Variants in TLX1 observed in about 807,000 individuals in gnomAD.
The protein encoded by TLX1 is T-cell leukemia homeobox protein 1.
TLX1 carries 6 observed loss-of-function variants against 26.5 expected under a neutral mutation model. The observed-to-expected ratio is 0.23, with a 90% CI of 0.12 to 0.45. The LOEUF is 0.45. Ranked by LOEUF, TLX1 falls within the 20% of genes least tolerant of loss-of-function variation. The pLI is 0.99. For missense variants in TLX1, 418 were observed against 482.6 expected, an observed-to-expected ratio of 0.87 and a Z score of 1.25; for synonymous variants, 217 against 219.7, an observed-to-expected ratio of 0.99 and a Z score of 0.11.
In TLX1 at chr10:101,132,170, C is replaced by T; in HGVS notation, c.568+61C>T. Reference sequence around the variant, plus strand: ...GCCCGGGCTCCGTGCTACCCCTGCCCCGCCGGGTGGCTCCCCAAAGCCGGT... The same window carrying T: ...GCCCGGGCTCCGTGCTACCCCTGCCTCGCCGGGTGGCTCCCCAAAGCCGGT... On this transcript the variant is annotated intron_variant, in intron 1 of 2. Transcript: ENST00000370196. The surrounding 1 kb of genome is among the most constrained non-coding windows in gnomAD (Gnocchi z 4.1). 7.8e-7 allele frequency: 1 copy of T among 1,276,946 alleles called. No individual in the cohort carries two copies. The highest frequency in any genetic ancestry group is 9.9e-7 in the Non-Finnish European group (1 of 1,009,738). The allele number at this position is 1,276,946 out of a possible 1,614,324, so 79.1% of individuals were successfully genotyped here.
intron 2 of TLX1, 144 bp from the exon 3 acceptor site, chr10:101,136,547 C>G (rs561764674): frequency 3.5e-5 from 47 of 1,338,520 alleles, no homozygotes; most frequent in Non-Finnish European, 4.9e-5. Context: ...GAAGGGAACG[C>G]GTTATAGGGG....
In TLX1 at chr10:101,132,038, T is replaced by C; in HGVS notation, c.497T>C (p.Val166Ala). The C allele has an allele frequency of 4.0e-6, 6 of 1,513,772 alleles. No homozygotes were observed. The highest frequency in any genetic ancestry group is 5.3e-6 in the Non-Finnish European group (6 of 1,138,138). The allele number at this position is 1,513,772 out of a possible 1,614,324, so 93.8% of individuals were successfully genotyped here. ...CCCTCTGTGCCTGCCATGCCGGGCGTCAACAACCTCACTGGCCTCACCTTC... is the reference window on the plus strand; with the variant it reads ...CCCTCTGTGCCTGCCATGCCGGGCGCCAACAACCTCACTGGCCTCACCTTC... ...TVPSVPAMPG[V>A]NNLTGLTFPW... Residue 166 changes from valine to alanine, a missense_variant, in exon 1 of 3, where the codon GTC becomes GCC. Around this residue, in one of 3 missense-constraint regions of TLX1, gnomAD observed 322 missense variants for 344.6 expected, o/e 0.93. Transcript: ENST00000370196. This position sits in a 1 kb window ranked among gnomAD's most constrained non-coding sequence, Gnocchi z 4.1.
In TLX1 at chr10:101,131,759, C is replaced by T. The variant is rs1363905550; in HGVS notation, c.218C>T (p.Ala73Val). Reference sequence around the variant, plus strand: ...GCGACGGGGGCTGGAGGAGCGGGGGCCTATGGTACTGGAGGTCCCGGCGGC... The same window carrying T: ...GCGACGGGGGCTGGAGGAGCGGGGGTCTATGGTACTGGAGGTCCCGGCGGC... ...AAATGAGGAGAYGTGGPGGPG... is the reference protein window; with the variant it reads ...AAATGAGGAGVYGTGGPGGPG... Residue 73 changes from alanine to valine, a missense_variant, in exon 1 of 3, where the codon GCC (alanine) becomes GTC (valine). This residue lies in a region of TLX1 where 322 missense variants were observed against 344.6 expected (regional missense o/e 0.93). Coordinates refer to ENST00000370196, the MANE Select transcript of TLX1 (RefSeq NM_005521.4). The T allele has an allele frequency of 1.1e-5, 16 of 1,413,690 alleles. No homozygotes were observed. The highest frequency in any genetic ancestry group is 3.0e-5 in the African/African-American group (2 of 65,852). The allele number at this position is 1,413,690 out of a possible 1,614,324, so 87.6% of individuals were successfully genotyped here. A position where few individuals can be genotyped will look rare whatever the true frequency, so the allele number is the denominator to read the frequency against.
chr10:101,131,492 G>C lies in TLX1; in HGVS notation c.-50G>C. Reference sequence around the variant, plus strand: ...GCCCCTGCTAGCTGCCCCCCGAGCCGAGCGCAGCGAGCGCCGCCGCCCGGG... The same window carrying C: ...GCCCCTGCTAGCTGCCCCCCGAGCCCAGCGCAGCGAGCGCCGCCGCCCGGG... On this transcript the variant is annotated 5_prime_UTR_variant, in exon 1 of 3. Coordinates refer to ENST00000370196, the MANE Select transcript of TLX1 (RefSeq NM_005521.4). 1 of 1,377,044 alleles carries C rather than the reference G, an allele frequency of 7.3e-7. No individual in the cohort carries two copies. The allele number at this position is 1,377,044 out of a possible 1,614,324, so 85.3% of individuals were successfully genotyped here. A position where few individuals can be genotyped will look rare whatever the true frequency, so the allele number is the denominator to read the frequency against.
At position 101,131,807 on chromosome 10, in the gene TLX1, G is replaced by A. The variant is rs569394912; in HGVS notation, c.266G>A (p.Gly89Asp). Residue 89 changes from glycine to aspartate, a missense_variant, in exon 1 of 3, where the codon GGC becomes GAC. By Grantham distance (94) the Gly-to-Asp change is moderately conservative (BLOSUM62 -1). This residue lies in a region of TLX1 where 322 missense variants were observed against 344.6 expected (regional missense o/e 0.93). Coordinates refer to ENST00000370196, the MANE Select transcript of TLX1 (RefSeq NM_005521.4). Reference protein sequence around the residue: ...PGGPGGPAGGGGACSMGPLTG... With the variant: ...PGGPGGPAGGDGACSMGPLTG... ...GGCCCCGGAGGCCCGGCAGGCGGCG[G>A]CGGCGCCTGCAGCATGGGTCCTCTG... 73 of 1,389,652 alleles carry A rather than the reference G, an allele frequency of 5.3e-5. No individual in the cohort carries two copies. The African/African-American group carries it at 1.0e-3, about 19-fold the overall frequency. The allele number at this position is 1,389,652 out of a possible 1,614,324, so 86.1% of individuals were successfully genotyped here.
In TLX1 at chr10:101,131,578, C is replaced by A. The variant is rs1178510827; in HGVS notation, c.37C>A (p.His13Asn). 4 of 1,550,038 alleles carry A rather than the reference C, an allele frequency of 2.6e-6. No individual in the cohort carries two copies. Among genetic ancestry groups the A allele is most frequent in the Non-Finnish European group, 3.5e-6 (4 of 1,152,726 alleles). Residue 13 changes from histidine to asparagine, a missense_variant, in exon 1 of 3, where the codon CAC becomes AAC. Around this residue, in one of 3 missense-constraint regions of TLX1, gnomAD observed 322 missense variants for 344.6 expected, o/e 0.93. Coordinates refer to ENST00000370196, the MANE Select transcript of TLX1 (RefSeq NM_005521.4). ...GGGTCCGCACCACCTCCACCCGGGT[C>A]ACGCAGAGCCCATTAGCTTCGGCAT... ...HLGPHHLHPG[H>N]AEPISFGIDQ...
chr10:101,132,099 C>G lies in TLX1; in HGVS notation c.558C>G (p.Asp186Glu). 7.2e-7 allele frequency: 1 copy of G among 1,394,286 alleles called. No individual in the cohort carries two copies. Among genetic ancestry groups the G allele is most frequent in the African/African-American group, 1.5e-5 (1 of 67,596 alleles). 86.4% of individuals were successfully genotyped at this position (1,394,286 alleles called of 1,614,324 possible). Reference protein sequence around the residue: ...WMESNRRYTKDRFTGHPYQNR... With the variant: ...WMESNRRYTKERFTGHPYQNR... Reference sequence around the variant, plus strand: ...AGAGTAACCGCAGATACACAAAGGACAGGTTCACAGGTGAGTCCGGCCCGC... The same window carrying G: ...AGAGTAACCGCAGATACACAAAGGAGAGGTTCACAGGTGAGTCCGGCCCGC... Residue 186 changes from aspartate to glutamate, a missense_variant, in exon 1 of 3, where the codon GAC becomes GAG. By Grantham distance (45) the Asp-to-Glu change is conservative. Transcript: ENST00000370196. This position sits in a 1 kb window ranked among gnomAD's most constrained non-coding sequence, Gnocchi z 4.1.
At position 101,131,492 on chromosome 10, in the gene TLX1, G is replaced by A. The variant is rs770195363; in HGVS notation, c.-50G>A. ...GCCCCTGCTAGCTGCCCCCCGAGCC[G>A]AGCGCAGCGAGCGCCGCCGCCCGGG... is the stretch of plus-strand genomic sequence containing the variant. On this transcript the variant is annotated 5_prime_UTR_variant, in exon 1 of 3. Coordinates refer to ENST00000370196, the MANE Select transcript of TLX1 (RefSeq NM_005521.4). 7 of 1,376,928 alleles carry A rather than the reference G, an allele frequency of 5.1e-6. No homozygotes were observed. The highest frequency in any genetic ancestry group is 3.4e-5 in the Admixed American group (1 of 29,334). 85.3% of individuals were successfully genotyped at this position (1,376,928 alleles called of 1,614,324 possible). A position where few individuals can be genotyped will look rare whatever the true frequency, so the allele number is the denominator to read the frequency against.
rs17113735 is a variant in TLX1 at position 101,137,092 on chromosome 10, G to A, written c.*179G>A. 0.32 allele frequency: 248,204 copies of A among 780,682 alleles called. 41,178 individuals carry two copies. The highest frequency in any genetic ancestry group is 0.45 in the African/African-American group (25,543 of 57,172). 48.4% of individuals were successfully genotyped at this position (780,682 alleles called of 1,614,324 possible). A position where few individuals can be genotyped will look rare whatever the true frequency, so the allele number is the denominator to read the frequency against. The stretch of plus-strand genomic sequence containing the variant: ...ACACTGTTCTCCCTTCGGTGGAAGA[G>A]CTCAAGGGACAAGGACACGCGCCCC... On this transcript the variant is annotated 3_prime_UTR_variant, in exon 3 of 3. Coordinates refer to ENST00000370196, the MANE Select transcript of TLX1 (RefSeq NM_005521.4).
intron 2 of TLX1, among the ~76,000 whole-genome samples, chr10:101,135,152 C>T (rs1234178992): frequency 1.3e-5 from 2 of 149,272 alleles, no homozygotes; most frequent in Non-Finnish European, 3.0e-5. Context: ...CTGACGCTTT[C>T]TCCGGCTGCA....
Position 101,131,799 on chromosome 10 carries a change from AGGC to A in TLX1, c.269_271del (p.Gly90del), listed in dbSNP as rs773093460. ...GTCCCGGCGGCCCCGGAGGCCCGGC[AGGC>A]GGCGGCGGCGCCTGCAGCATGGGTC... is the stretch of plus-strand genomic sequence containing the variant. On this transcript the variant is annotated inframe_deletion, in exon 1 of 3. Transcript: ENST00000370196. The A allele has an allele frequency of 1.8e-5, 25 of 1,387,050 alleles. No individual in the cohort carries two copies. The highest frequency in any genetic ancestry group is 8.6e-5 in the South Asian group (5 of 58,448). 85.9% of individuals were successfully genotyped at this position (1,387,050 alleles called of 1,614,324 possible). A position where few individuals can be genotyped will look rare whatever the true frequency, so the allele number is the denominator to read the frequency against.
Position 101,136,984 on chromosome 10 carries a change from TC to T in TLX1, c.*75del, listed in dbSNP as rs1436387631. Reference sequence around the variant, plus strand: ...ACTGAGGCCTGAGACCCAGGACTCCTCCCCACCCTCCTGGCCTCAGACTGCA... The same window carrying T: ...ACTGAGGCCTGAGACCCAGGACTCCTCCCACCCTCCTGGCCTCAGACTGCA... On this transcript the variant is annotated 3_prime_UTR_variant, in exon 3 of 3. Coordinates refer to ENST00000370196, the MANE Select transcript of TLX1 (RefSeq NM_005521.4). The T allele has an allele frequency of 1.0e-5, 16 of 1,560,284 alleles. No homozygotes were observed. Among genetic ancestry groups the T allele is most frequent in the Middle Eastern group, 1.7e-4 (1 of 5,918 alleles).
intron 2 of TLX1, 48 bp downstream of exon 2, chr10:101,134,424 G>T: frequency 1.3e-6 from 2 of 1,484,016 alleles, no homozygotes; most frequent in Non-Finnish European, 1.8e-6. Flanking sequence ...GCGGTCTCAG[G>T]CAGCTCTCGG....
intron 2 of TLX1, among the ~76,000 whole-genome samples, chr10:101,135,118 G>C (rs1273618044): frequency 2.6e-5 from 4 of 152,196 alleles, no homozygotes; most frequent in South Asian, 2.1e-4. Flanking sequence ...CAACACTCTC[G>C]AGCAGCCTCC....
Position 101,136,697 on chromosome 10 carries a change from G to C in TLX1, c.777G>C (p.Gln259His), listed in dbSNP as rs1442121139. 1.2e-6 allele frequency: 2 copies of C among 1,612,444 alleles called. No homozygotes were observed. Among genetic ancestry groups the C allele is most frequent in the African/African-American group, 1.3e-5 (1 of 74,936 alleles). The change falls in exon 3 of 3, where the codon CAG becomes CAC. Residue 259 changes from glutamine to histidine, a missense_variant. Around this residue, in one of 3 missense-constraint regions of TLX1, gnomAD observed 18 missense variants for 45.8 expected, o/e 0.39. Coordinates refer to ENST00000370196, the MANE Select transcript of TLX1 (RefSeq NM_005521.4). ...FQNRRTKWRR[Q>H]TAEEREAERQ... ...CGGCTTGTTCCCGGTGCAGACGGCA[G>C]ACTGCGGAGGAACGGGAGGCCGAGA...
At chr10:101,133,563 T>C (rs1327747108) in intron 1 of TLX1, among the ~76,000 whole-genome samples, 2 of 152,344 alleles carry the variant, frequency 1.3e-5, no homozygotes, top group East Asian at 1.9e-4. Context: ...TGAAAGGTAC[T>C]CGGTTTAGGG....
In TLX1 at chr10:101,132,754, G is replaced by T. The variant is rs1330262916; in HGVS notation, c.568+645G>T. The T allele has an allele frequency of 2.0e-5, 3 of 151,668 alleles. No homozygotes were observed. In the East Asian group the frequency reaches 5.8e-4, roughly 30 times the overall value. 9.4% of individuals were successfully genotyped at this position (151,668 alleles called of 1,614,324 possible). The stretch of plus-strand genomic sequence containing the variant: ...TAGCTTTTCATTTTCGTTCTCTCCC[G>T]GCTGGGTGTCCTACCCCGGGCCCAG... On this transcript the variant is annotated intron_variant, in intron 1 of 2. Coordinates refer to ENST00000370196, the MANE Select transcript of TLX1 (RefSeq NM_005521.4). This position sits in a 1 kb window ranked among gnomAD's most constrained non-coding sequence, Gnocchi z 4.1.
rs1438191713 is a variant in TLX1 at position 101,132,953 on chromosome 10, C to T, written c.568+844C>T. 6.5e-6 allele frequency: 1 copy of T among 153,010 alleles called. No homozygotes were observed. Among genetic ancestry groups the T allele is most frequent in the Non-Finnish European group, 1.5e-5 (1 of 68,652 alleles). 9.5% of individuals were successfully genotyped at this position (153,010 alleles called of 1,614,324 possible). A position where few individuals can be genotyped will look rare whatever the true frequency, so the allele number is the denominator to read the frequency against. ...TGCTCCCGTTTCCACTCTGGGCACTCAACTCTCCCTCTGGCGTGGATCCCT... is the reference window on the plus strand; with the variant it reads ...TGCTCCCGTTTCCACTCTGGGCACTTAACTCTCCCTCTGGCGTGGATCCCT... On this transcript the variant is annotated intron_variant, in intron 1 of 2. Transcript: ENST00000370196. The surrounding 1 kb of genome is among the most constrained non-coding windows in gnomAD (Gnocchi z 4.1).
At position 101,131,912 on chromosome 10, in the gene TLX1, G is replaced by A; in HGVS notation, c.371G>A (p.Gly124Glu). The change falls in exon 1 of 3, where the codon GGG (glycine) becomes GAG (glutamate). Residue 124 changes from glycine (G) to glutamate (E), a missense_variant. Gly to Glu is a moderately conservative substitution (Grantham distance 98). Around this residue, in one of 3 missense-constraint regions of TLX1, gnomAD observed 322 missense variants for 344.6 expected, o/e 0.93. Transcript: ENST00000370196. ...GGGGGSSGGAGALSAAGVIRV... is the reference protein window; with the variant it reads ...GGGGGSSGGAEALSAAGVIRV... ...GGCGGCGGCAGCAGCGGCGGTGCCG[G>A]GGCACTCAGCGCTGCGGGGGTAATC... 3 of 1,399,898 alleles carry A rather than the reference G, an allele frequency of 2.1e-6. No individual in the cohort carries two copies. Among genetic ancestry groups the A allele is most frequent in the South Asian group, 1.6e-5 (1 of 61,832 alleles). The allele number at this position is 1,399,898 out of a possible 1,614,324, so 86.7% of individuals were successfully genotyped here.
Sources: gnomAD v4.1 joint callset for allele counts (sites outside exome capture counted in the v4.1 genomes callset) on GRCh38, gnomAD v4.1.1 for gene constraint, gnomAD v4.1.1 regional missense constraint, Gnocchi (gnomAD v3.1) non-coding constraint, MANE v1.5 for transcripts, NCBI Gene and HGNC (gene_info 2026-07-23, HGNC 2026-07-21) for gene names.